Variants in ALK observed in about 807,000 individuals in gnomAD.
ALK encodes ALK tyrosine kinase receptor.
ALK carries 74 observed loss-of-function variants against 163.1 expected under a neutral mutation model. The ratio of observed to expected loss-of-function variants is 0.45; its 90% CI spans 0.38 to 0.55. ALK has a LOEUF of 0.55. Among genes scored for constraint, ALK ranks in the 20% least tolerant of loss-of-function variants. The pLI is 0.00. For synonymous variants in ALK, 960 were observed against 843.2 expected (o/e 1.14, Z -2.40); for missense variants, 2,063 against 2,105.3 (o/e 0.98, Z 0.39).
At chr2:29,438,958 T>C (rs1670470261) in intron 4 of ALK, among the ~76,000 whole-genome samples, 1 of 152,156 alleles carries the variant, frequency 6.6e-6, no homozygotes, top group Non-Finnish European at 1.5e-5. Context: ...AGCTTGGCTA[T>C]CTCCAGACCA....
intron 1 of ALK, among the ~76,000 whole-genome samples, chr2:29,832,152 T>C (rs1159807300): frequency 6.6e-6 from 1 of 152,156 alleles, no homozygotes; most frequent in Non-Finnish European, 1.5e-5. Flanking sequence ...CTCAACATCA[T>C]GGAGAAACTG....
chr2:29,754,285 C>T (rs1680453598), intron 1 of ALK, among the ~76,000 whole-genome samples: 2 of 152,146 alleles, frequency 1.3e-5, no homozygotes, highest in African/African-American at 4.8e-5. Context: ...CAGCAGGATG[C>T]AGAATATAGC....
rs1669870841 is a variant in ALK at position 29,223,589 on chromosome 2, G to A, written c.3173-61C>T. On this transcript the variant is annotated intron_variant, in intron 19 of 28. Coordinates refer to ENST00000389048, the MANE Select transcript of ALK (RefSeq NM_004304.5). ...AGCCTGGCCCTTGAAGCACTACACA[G>A]GCCACTTCCTACAGGAAGCCTCCCT... 10 of 1,566,162 alleles carry A rather than the reference G, an allele frequency of 6.4e-6. No homozygotes were observed. In the East Asian group the frequency reaches 2.3e-4, roughly 36 times the overall value.
At chr2:29,560,432 A>G (rs1011200745) in intron 3 of ALK, among the ~76,000 whole-genome samples, 1 of 152,222 alleles carries the variant, frequency 6.6e-6, no homozygotes, top group African/African-American at 2.4e-5. Flanking sequence ...TGGGATGGGA[A>G]TTGAGAATGA....
intron 3 of ALK, among the ~76,000 whole-genome samples, chr2:29,649,060 T>C (rs1441959056): frequency 6.6e-6 from 1 of 152,190 alleles, no homozygotes; most frequent in African/African-American, 2.4e-5. Context: ...ATACGATCTA[T>C]ATTTTTTCCT....
At chr2:29,289,968 C>A (rs2148226068) in intron 9 of ALK, among the ~76,000 whole-genome samples, 1 of 152,314 alleles carries the variant, frequency 6.6e-6, no homozygotes, top group South Asian at 2.1e-4. Flanking sequence ...TTCCCGCCAG[C>A]CTCCCTAATT....
At chr2:29,247,429 AAGGGGTAAGTCC>A (rs1311401238) in intron 12 of ALK, among the ~76,000 whole-genome samples, 2 of 152,240 alleles carry the variant, frequency 1.3e-5, no homozygotes, top group East Asian at 3.9e-4. Flanking sequence ...CTCTCAGAGG[AAGGGGTAAGTCC>A]AGGGCAGGGA....
chr2:29,549,549 ATTTAT>A (rs1264463111), intron 3 of ALK, among the ~76,000 whole-genome samples: 5 of 152,196 alleles, frequency 3.3e-5, no homozygotes, highest in Non-Finnish European at 5.9e-5. Context: ...GAAGAACTGA[ATTTAT>A]TTTATTTAAT....
intron 9 of ALK, among the ~76,000 whole-genome samples, chr2:29,287,931 G>C (rs1665902836): frequency 6.6e-6 from 1 of 152,074 alleles, no homozygotes; most frequent in Non-Finnish European, 1.5e-5. Flanking sequence ...TACAGCTCCT[G>C]GAGTGGAGAT....
intron 3 of ALK, among the ~76,000 whole-genome samples, chr2:29,612,782 G>A (rs183152334): frequency 1.2e-4 from 19 of 152,280 alleles, no homozygotes; most frequent in Admixed American, 1.2e-3. Context: ...GACTGTTAAT[G>A]TCAGTGAAGA....
intron 1 of ALK, among the ~76,000 whole-genome samples, chr2:29,741,311 T>C (rs1680052052): frequency 6.6e-6 from 1 of 152,194 alleles, no homozygotes; most frequent in South Asian, 2.1e-4. Context: ...ATGTAAACTA[T>C]AGACTTTGGG....
intron 1 of ALK, among the ~76,000 whole-genome samples, chr2:29,807,318 T>C (rs557387265): frequency 6.6e-6 from 1 of 152,232 alleles, no homozygotes; most frequent in Non-Finnish European, 1.5e-5. Context: ...TGAAAAAGAA[T>C]AGAAGATAAC....
At chr2:29,642,962 C>A (rs983564820) in intron 3 of ALK, among the ~76,000 whole-genome samples, 4 of 152,110 alleles carry the variant, frequency 2.6e-5, no homozygotes, top group African/African-American at 9.7e-5. Context: ...AGATTAAATC[C>A]AACCTGCCTC....
intron 4 of ALK, among the ~76,000 whole-genome samples, chr2:29,479,802 A>C (rs1671619078): frequency 6.6e-6 from 1 of 152,110 alleles, no homozygotes; most frequent in Non-Finnish European, 1.5e-5. Context: ...TCTGGCAGTG[A>C]CCTTGGCAAA....
intron 5 of ALK, among the ~76,000 whole-genome samples, chr2:29,367,969 G>A (rs569152859): frequency 6.6e-5 from 10 of 152,042 alleles, no homozygotes; most frequent in East Asian, 3.9e-4. Flanking sequence ...ATAGTTTCCC[G>A]TGCCGCACCA....
At chr2:29,603,048 T>C (rs1336347374) in intron 3 of ALK, among the ~76,000 whole-genome samples, 1 of 152,234 alleles carries the variant, frequency 6.6e-6, no homozygotes, top group African/African-American at 2.4e-5. Context: ...ATTTTCTGAT[T>C]GGCAATTTGT....
intron 4 of ALK, among the ~76,000 whole-genome samples, chr2:29,520,844 T>C (rs1452211462): frequency 6.6e-6 from 1 of 152,108 alleles, no homozygotes; most frequent in Non-Finnish European, 1.5e-5. Flanking sequence ...TCAGACTTGA[T>C]CCTGGGTTTC....
At chr2:29,454,303 G>A (rs1184992487) in intron 4 of ALK, among the ~76,000 whole-genome samples, 1 of 152,158 alleles carries the variant, frequency 6.6e-6, no homozygotes, top group East Asian at 1.9e-4. Flanking sequence ...TTTATATGAA[G>A]TAGTATAATA....
At chr2:29,304,460 A>C (rs972006635) in intron 8 of ALK, among the ~76,000 whole-genome samples, 13 of 146,270 alleles carry the variant, frequency 8.9e-5, no homozygotes, top group Non-Finnish European at 1.8e-4. Flanking sequence ...GTGCCACTGC[A>C]CTCCAGCCTG....
Sources: allele counts gnomAD v4.1 joint callset (sites outside exome capture counted in the v4.1 genomes callset), GRCh38; gene constraint gnomAD v4.1.1; transcripts MANE v1.5; gene names NCBI Gene and HGNC (gene_info 2026-07-23, HGNC 2026-07-21).